The following NUMB variants were observed in gnomAD, a reference collection of about 807,000 sequenced individuals.
The protein encoded by NUMB is NUMB endocytic adaptor protein.
Under a neutral mutation model 59.7 loss-of-function variants are expected in NUMB, and 29 were observed. The ratio of observed to expected loss-of-function variants is 0.49; its 90% CI spans 0.36 to 0.66. The LOEUF is 0.66. Ranked by LOEUF, NUMB falls within the 30% of genes least tolerant of loss-of-function variation. The pLI, the probability that NUMB is intolerant of heterozygous loss-of-function variation, is 0.00. For synonymous variants in NUMB, 288 were observed against 288.2 expected, an observed-to-expected ratio of 1.00 and a Z score of 0.01; for missense variants, 723 against 822.0, an observed-to-expected ratio of 0.88 and a Z score of 1.47.
intron 1 of NUMB, among the ~76,000 whole-genome samples, chr14:73,436,356 G>A (rs185086825): frequency 8.2e-4 from 124 of 152,144 alleles, no homozygotes; most frequent in African/African-American, 2.7e-3. Flanking sequence ...CCACTCTGTC[G>A]CCCAGGATGG....
At chr14:73,435,532 C>A (rs892642108) in intron 1 of NUMB, among the ~76,000 whole-genome samples, 4 of 151,336 alleles carry the variant, frequency 2.6e-5, no homozygotes, top group Admixed American at 2.6e-4. Context: ...CCTCAGCCTC[C>A]CAATGTGCTG....
At chr14:73,346,574 A>G (rs1892934087) in intron 4 of NUMB, among the ~76,000 whole-genome samples, 1 of 152,166 alleles carries the variant, frequency 6.6e-6, no homozygotes, top group South Asian at 2.1e-4. Flanking sequence ...TACTGTTACC[A>G]ATTATATAGA....
At chr14:73,350,062 TAC>T (rs1394753470) in intron 4 of NUMB, among the ~76,000 whole-genome samples, 1 of 130,906 alleles carries the variant, frequency 7.6e-6, no homozygotes, top group Non-Finnish European at 1.6e-5. Context: ...CATACATATA[TAC>T]ATACATACAT....
At chr14:73,457,179 G>A (rs1884438384) in intron 1 of NUMB, among the ~76,000 whole-genome samples, 1 of 152,116 alleles carries the variant, frequency 6.6e-6, no homozygotes, top group Admixed American at 6.6e-5. Context: ...AGCCGAGTAT[G>A]CCTACCCTCT....
chr14:73,394,426 GA>G, intron 2 of NUMB, among the ~76,000 whole-genome samples: 1 of 146,898 alleles, frequency 6.8e-6, no homozygotes, highest in South Asian at 2.2e-4. Flanking sequence ...AAAAAAAAGA[GA>G]GAGAGATTGT....
chr14:73,327,707 CTA>C (rs1276288597), intron 4 of NUMB, among the ~76,000 whole-genome samples: 5 of 152,234 alleles, frequency 3.3e-5, no homozygotes, highest in African/African-American at 1.2e-4. Context: ...AGAGATGACT[CTA>C]GCTCATATAC....
chr14:73,439,177 T>C (rs1157054996), intron 1 of NUMB, among the ~76,000 whole-genome samples: 1 of 152,242 alleles, frequency 6.6e-6, no homozygotes, highest in Non-Finnish European at 1.5e-5. Context: ...GGAAAGAGAC[T>C]GCCAGAAGTC....
At chr14:73,346,752 T>C (rs1015012899) in intron 4 of NUMB, among the ~76,000 whole-genome samples, 2 of 152,176 alleles carry the variant, frequency 1.3e-5, no homozygotes, top group Non-Finnish European at 2.9e-5. Context: ...CTTCACTTCC[T>C]ATTTCCTTGA....
intron 6 of NUMB, among the ~76,000 whole-genome samples, chr14:73,301,977 G>C (rs556368215): frequency 6.6e-6 from 1 of 152,234 alleles, no homozygotes; most frequent in South Asian, 2.1e-4. Context: ...CAGCTACTCA[G>C]GAGGCTGAGG....
intron 2 of NUMB, among the ~76,000 whole-genome samples, chr14:73,393,776 A>ATT (rs1895976672): frequency 6.6e-6 from 1 of 152,190 alleles, no homozygotes; most frequent in Non-Finnish European, 1.5e-5. Context: ...CTTTCATTTT[A>ATT]TTGTCTCTCT....
At chr14:73,420,736 C>T (rs369982634) in intron 1 of NUMB, among the ~76,000 whole-genome samples, 6 of 152,048 alleles carry the variant, frequency 3.9e-5, no homozygotes, top group African/African-American at 1.4e-4. Context: ...ATGAGAATTG[C>T]TTGAATCTGG....
At chr14:73,367,275 A>C (rs1894384840) in intron 2 of NUMB, among the ~76,000 whole-genome samples, 2 of 141,096 alleles carry the variant, frequency 1.4e-5, no homozygotes, top group Admixed American at 1.4e-4. Flanking sequence ...TTTGAAATAA[A>C]ATACTATATA....
At chr14:73,397,175 C>T (rs1177593689) in intron 2 of NUMB, among the ~76,000 whole-genome samples, 1 of 151,782 alleles carries the variant, frequency 6.6e-6, no homozygotes, top group Non-Finnish European at 1.5e-5. Context: ...TTCCTGGGCC[C>T]CCAAACCAGG....
At chr14:73,423,755 A>G (rs2140156165) in intron 1 of NUMB, among the ~76,000 whole-genome samples, 1 of 152,168 alleles carries the variant, frequency 6.6e-6, no homozygotes. Flanking sequence ...GGTTGTAGTG[A>G]GCAGAGATTG....
rs556732854 is a variant in NUMB, at chr14:73,295,703, A to AT, written c.309+1507dup. ...TTTCTCCCCTTTCAGTGGCATTTGA[A>AT]TTTTTTTTTTTTAATTATCTTCTTG... On this transcript the variant is annotated intron_variant, in intron 7 of 12. Coordinates refer to ENST00000555238, the MANE Select transcript of NUMB (RefSeq NM_001005743.2). 6.5e-3 allele frequency among the ~76,000 whole-genome samples: 970 copies of AT among 148,458 alleles called. 12 individuals are homozygous for AT. Among genetic ancestry groups the AT allele is most frequent in the African/African-American group, 0.021 (840 of 40,680 alleles).
At chr14:73,329,667 T>C (rs778017356) in intron 4 of NUMB, among the ~76,000 whole-genome samples, 11 of 152,214 alleles carry the variant, frequency 7.2e-5, no homozygotes, top group Non-Finnish European at 1.6e-4. Flanking sequence ...ACTACTCTCT[T>C]TGAACTTCCC....
intron 5 of NUMB, among the ~76,000 whole-genome samples, chr14:73,322,629 T>C (rs999953745): frequency 2.6e-5 from 4 of 152,194 alleles, no homozygotes; most frequent in African/African-American, 9.6e-5. Context: ...TATAGCCCAG[T>C]TATCACAGTT....
chr14:73,387,542 T>A (rs1895605860), intron 2 of NUMB, among the ~76,000 whole-genome samples: 1 of 151,936 alleles, frequency 6.6e-6, no homozygotes, highest in Non-Finnish European at 1.5e-5. Flanking sequence ...ATGAAGGACG[T>A]GTTTGCTTTC....
At chr14:73,432,625 T>TA (rs1897880807) in intron 1 of NUMB, among the ~76,000 whole-genome samples, 1 of 152,086 alleles carries the variant, frequency 6.6e-6, no homozygotes, top group Non-Finnish European at 1.5e-5. Flanking sequence ...TAAACTCACA[T>TA]ATCATGTTTA....
Sources: allele counts gnomAD v4.1 joint callset (sites outside exome capture counted in the v4.1 genomes callset), GRCh38; gene constraint gnomAD v4.1.1; transcripts MANE v1.5; gene names NCBI Gene and HGNC (gene_info 2026-07-23, HGNC 2026-07-21).